COBL: variants seen among roughly 807,000 people sequenced by gnomAD.
COBL encodes protein cordon-bleu.
Under a neutral mutation model 98.8 loss-of-function variants are expected in COBL, and 51 were observed. The ratio of observed to expected loss-of-function variants is 0.52; its 90% CI spans 0.41 to 0.65. The LOEUF (loss-of-function observed/expected upper bound fraction) is 0.65. Among genes scored for constraint, COBL ranks in the 30% least tolerant of loss-of-function variants. COBL has a pLI of 0.00. For synonymous variants in COBL, 634 were observed against 651.7 expected, an observed-to-expected ratio of 0.97 and a Z score of 0.41; for missense variants, 1,617 against 1,617.5, an observed-to-expected ratio of 1.00 and a Z score of 0.01.
chr7:51,132,225 C>T (rs961549560), intron 6 of COBL, among the ~76,000 whole-genome samples: 2 of 152,256 alleles, frequency 1.3e-5, no homozygotes, highest in African/African-American at 4.8e-5. Context: ...GGCATGCTGG[C>T]TACTTCTGTC....
chr7:51,107,784 T>C (rs1796449157), intron 6 of COBL, among the ~76,000 whole-genome samples: 1 of 152,138 alleles, frequency 6.6e-6, no homozygotes, highest in African/African-American at 2.4e-5. Context: ...CACAGTCCCC[T>C]GGGGAATACA....
chr7:51,073,220 G>T (rs1353717101), intron 7 of COBL: 2 of 460,558 alleles, frequency 4.3e-6, no homozygotes, highest in Non-Finnish European at 7.8e-6. Flanking sequence ...AACCCCAAAG[G>T]AAGTAAATTC....
At chr7:51,168,798 T>C (rs1787578900) in intron 5 of COBL, among the ~76,000 whole-genome samples, 1 of 152,194 alleles carries the variant, frequency 6.6e-6, no homozygotes, top group African/African-American at 2.4e-5. Context: ...ATTAGTATAT[T>C]GAAGAGATAT....
intron 7 of COBL, among the ~76,000 whole-genome samples, chr7:51,063,089 A>G (rs1341376980): frequency 6.6e-6 from 1 of 152,120 alleles, no homozygotes; most frequent in Non-Finnish European, 1.5e-5. Context: ...AAATTGCTCT[A>G]CATCACTTGT....
At position 51,065,356 on chromosome 7, in the gene COBL, C is replaced by T. The variant is rs139438564; in HGVS notation, c.1096+19810G>A. The T allele has an allele frequency of 4.7e-3, 3,289 of 703,674 alleles. 9 individuals carry two copies. The highest frequency in any genetic ancestry group is 7.1e-3 in the Non-Finnish European group (2,747 of 385,154). The allele number at this position is 703,674 out of a possible 1,614,324, so 43.6% of individuals were successfully genotyped here. On this transcript the variant is annotated intron_variant, in intron 7 of 12. Transcript: ENST00000265136. The stretch of plus-strand genomic sequence containing the variant: ...ATTGTGTAGAGAACTGCGGCCCTCA[C>T]TCATCCACAGGGTTCTTGGCTTTGC...
At position 51,185,443 on chromosome 7, in the gene COBL, C is replaced by T. The variant is rs116548598; in HGVS notation, c.686-1244G>A. On this transcript the variant is annotated intron_variant, in intron 4 of 12. Coordinates refer to ENST00000265136, the MANE Select transcript of COBL (RefSeq NM_015198.5). ...ACCACTTAGCTCCTCCAAGCCTCAG[C>T]AGCTTCATCTGCAGGTTGAGGGTGA... is the stretch of plus-strand genomic sequence containing the variant. Among the ~76,000 whole-genome samples, 605 of 152,310 alleles carry T rather than the reference C, an allele frequency of 4.0e-3. 3 individuals carry two copies. Among genetic ancestry groups the T allele is most frequent in the African/African-American group, 0.014 (568 of 41,568 alleles).
At chr7:51,210,549 T>G (rs1792314928) in intron 2 of COBL, among the ~76,000 whole-genome samples, 1 of 152,168 alleles carries the variant, frequency 6.6e-6, no homozygotes, top group African/African-American at 2.4e-5. Flanking sequence ...CCTCTATTTG[T>G]GTCAGGTAAA....
intron 7 of COBL, among the ~76,000 whole-genome samples, chr7:51,074,602 C>T (rs908502905): frequency 2.8e-4 from 42 of 152,122 alleles, no homozygotes; most frequent in African/African-American, 1.0e-3. Flanking sequence ...GGTTTTTATA[C>T]GTAACCTGAG....
chr7:51,137,587 T>TA (rs35391666), intron 5 of COBL, among the ~76,000 whole-genome samples: 52,247 of 145,514 alleles, frequency 0.36, 11,031 homozygotes, highest in Non-Finnish European at 0.49. Flanking sequence ...CCCACTTCTT[T>TA]AAAAAAAAAA....
intron 1 of COBL, among the ~76,000 whole-genome samples, chr7:51,285,035 C>A (rs1800208800): frequency 6.6e-6 from 1 of 151,204 alleles, no homozygotes; most frequent in African/African-American, 2.4e-5. Context: ...GCAACCTCTA[C>A]CTCCTGGTTT....
At chr7:51,024,660 AATGAATGAATG>A (rs1245440497) in intron 12 of COBL, among the ~76,000 whole-genome samples, 3 of 4,178 alleles carry the variant, frequency 7.2e-4, no homozygotes, top group South Asian at 0.014. Context: ...CGAGTGAATG[AATGAATGAATG>A]AATGAATGAA....
chr7:51,176,386 G>A (rs907521286), intron 5 of COBL, among the ~76,000 whole-genome samples: 6 of 151,606 alleles, frequency 4.0e-5, no homozygotes, highest in Non-Finnish European at 5.9e-5. Flanking sequence ...CTGATATTTG[G>A]GATATATATG....
chr7:51,305,049 C>T (rs1263701499), intron 1 of COBL, among the ~76,000 whole-genome samples: 2 of 152,166 alleles, frequency 1.3e-5, no homozygotes, highest in African/African-American at 4.8e-5. Context: ...AATACAAGGG[C>T]CAGTCCCTAT....
intron 2 of COBL, among the ~76,000 whole-genome samples, chr7:51,194,959 T>G (rs1223897843): frequency 1.3e-5 from 2 of 152,128 alleles, no homozygotes; most frequent in Non-Finnish European, 2.9e-5. Context: ...TTCTCCTATT[T>G]TGTAGGTTAT....
Position 51,017,264 on chromosome 7 carries a change from A to G in COBL, c.*287T>C. On this transcript the variant is annotated 3_prime_UTR_variant, in exon 13 of 13. Coordinates refer to ENST00000265136, the MANE Select transcript of COBL (RefSeq NM_015198.5). ...TAATTAAGTGTGAGTGCTGGGCTCC[A>G]GCATTTATAGTCCCATTAACCTGCC... The G allele has an allele frequency of 7.0e-6, 4 of 567,758 alleles. No homozygotes were observed. The highest frequency in any genetic ancestry group is 3.1e-6 in the Non-Finnish European group (1 of 320,916). 35.2% of individuals were successfully genotyped at this position (567,758 alleles called of 1,614,324 possible).
chr7:51,289,372 T>C (rs753127287), intron 1 of COBL, among the ~76,000 whole-genome samples: 5 of 152,182 alleles, frequency 3.3e-5, no homozygotes, highest in Non-Finnish European at 7.3e-5. Context: ...TGACACTTCC[T>C]CTCAGCCCTC....
chr7:51,140,008 T>A (rs1281933214), intron 5 of COBL, among the ~76,000 whole-genome samples: 1 of 152,166 alleles, frequency 6.6e-6, no homozygotes, highest in Non-Finnish European at 1.5e-5. Flanking sequence ...GTTTTTAATA[T>A]CAAGTTCTTT....
At chr7:51,189,032 A>G (rs188811253) in intron 4 of COBL, among the ~76,000 whole-genome samples, 156 of 152,328 alleles carry the variant, frequency 1.0e-3, no homozygotes, top group African/African-American at 3.6e-3. Context: ...ATGTAAACCA[A>G]ATTTAAATAG....
At chr7:51,199,867 T>C (rs1353110574) in intron 2 of COBL, among the ~76,000 whole-genome samples, 3 of 151,308 alleles carry the variant, frequency 2.0e-5, no homozygotes, top group Non-Finnish European at 4.4e-5. Context: ...AAAGAAATAA[T>C]GGCAAAAATC....
Sources: gnomAD v4.1 joint callset for allele counts (sites outside exome capture counted in the v4.1 genomes callset) on GRCh38, gnomAD v4.1.1 for gene constraint, MANE v1.5 for transcripts, NCBI Gene and HGNC (gene_info 2026-07-23, HGNC 2026-07-21) for gene names.